Variants in F13A1 observed in about 807,000 individuals in gnomAD.
F13A1 encodes coagulation factor XIII A chain.
F13A1 carries 47 observed loss-of-function variants against 80.1 expected under a neutral mutation model. The ratio of observed to expected loss-of-function variants is 0.59; its 90% CI spans 0.46 to 0.75. The LOEUF (loss-of-function observed/expected upper bound fraction) is 0.75, where lower values mean the gene tolerates loss of function less well. Among genes scored for constraint, F13A1 ranks in the 30% least tolerant of loss-of-function variants. F13A1 has a pLI of 0.00. For synonymous variants in F13A1, 349 were observed against 344.9 expected (o/e 1.01, Z -0.13); for missense variants, 817 against 930.4 (o/e 0.88, Z 1.59).
At chr6:6,225,872 G>A (rs1344887339) in intron 6 of F13A1, among the ~76,000 whole-genome samples, 1 of 152,118 alleles carries the variant, frequency 6.6e-6, no homozygotes, top group Non-Finnish European at 1.5e-5. Flanking sequence ...ACAGATTAAA[G>A]TTTTAGAGTT....
intron 10 of F13A1, 123 bp downstream of exon 10, chr6:6,195,674 T>G (rs1249200191): frequency 3.6e-6 from 3 of 828,986 alleles, no homozygotes; most frequent in Non-Finnish European, 6.1e-6. Flanking sequence ...CCTAGTTACC[T>G]TTGTCAACAC....
rs1757515601 is a variant in F13A1, at chr6:6,243,585, T to C, written c.798+4727A>G. Among the ~76,000 whole-genome samples, 1 of 152,246 alleles carries C rather than the reference T, an allele frequency of 6.6e-6. No individual in the cohort carries two copies. The highest frequency in any genetic ancestry group is 2.4e-5 in the African/African-American group (1 of 41,470). On this transcript the variant is annotated intron_variant, in intron 6 of 14. Coordinates refer to ENST00000264870, the MANE Select transcript of F13A1 (RefSeq NM_000129.4). This position sits in a 1 kb window ranked among gnomAD's most constrained non-coding sequence, Gnocchi z 4.2. The stretch of plus-strand genomic sequence containing the variant: ...GCAATTCAATCTTACATAATTATTG[T>C]GTTATTGGCAATAACGTGTTGATAG...
chr6:6,318,700 A>AAG lies in F13A1; in HGVS notation c.-18-19_-18-18insCT, dbSNP rs1758725692. 3 of 1,603,530 alleles carry AAG rather than the reference A, an allele frequency of 1.9e-6. No individual in the cohort carries two copies. The highest frequency in any genetic ancestry group is 4.5e-5 in the East Asian group (2 of 44,850). On this transcript the variant is annotated intron_variant, in intron 1 of 14. Coordinates refer to ENST00000264870, the MANE Select transcript of F13A1 (RefSeq NM_000129.4). ...ACAAGGTCCTTCAGAAAAAAAAAAA[A>AAG]AAGAAGACAACAGAAAAGGCATGTA...
intron 6 of F13A1, among the ~76,000 whole-genome samples, chr6:6,233,825 T>C (rs1616606): frequency 0.16 from 24,068 of 152,134 alleles, 2,121 homozygotes; most frequent in African/African-American, 0.22. Flanking sequence ...ATGCACCATA[T>C]AAACAGAATT....
intron 6 of F13A1, among the ~76,000 whole-genome samples, chr6:6,244,784 T>A (rs1020769899): frequency 1.3e-5 from 2 of 152,160 alleles, no homozygotes; most frequent in African/African-American, 4.8e-5. Flanking sequence ...CTGGGTCACA[T>A]AGTAAGTTAA....
At chr6:6,316,077 G>A (rs1583129658) in intron 2 of F13A1, among the ~76,000 whole-genome samples, 1 of 49,656 alleles carries the variant, frequency 2.0e-5, no homozygotes, top group Non-Finnish European at 4.0e-5. Context: ...ATGTGTGTGT[G>A]CATATATATA....
At chr6:6,275,713 A>G (rs753604208) in intron 3 of F13A1, among the ~76,000 whole-genome samples, 1 of 152,178 alleles carries the variant, frequency 6.6e-6, no homozygotes, top group African/African-American at 2.4e-5. Context: ...CCAAACAGTC[A>G]TTCCCTCTAA....
chr6:6,234,356 T>C (rs1757389164), intron 6 of F13A1, among the ~76,000 whole-genome samples: 1 of 151,964 alleles, frequency 6.6e-6, no homozygotes. Context: ...TTACACACAT[T>C]GTCGAACATG....
intron 8 of F13A1, among the ~76,000 whole-genome samples, chr6:6,218,438 GAGGTTACACAT>G (rs1757135628): frequency 1.3e-5 from 2 of 152,174 alleles, no homozygotes; most frequent in African/African-American, 4.8e-5. Context: ...CTTCCCCCCA[GAGGTTACACAT>G]AATTCAGAAC....
chr6:6,175,139 G>C (rs780105225), intron 11 of F13A1, among the ~76,000 whole-genome samples: 4 of 152,210 alleles, frequency 2.6e-5, no homozygotes, highest in Non-Finnish European at 5.9e-5. Context: ...CACTATTTCA[G>C]GGGGTGGGAG....
At chr6:6,212,365 C>A (rs1761633219) in intron 8 of F13A1, among the ~76,000 whole-genome samples, 1 of 152,174 alleles carries the variant, frequency 6.6e-6, no homozygotes, top group Admixed American at 6.5e-5. Context: ...AAGTGGGTCC[C>A]TGACCCCTGA....
rs949687598 is a variant in F13A1, at chr6:6,162,065, G to C, written c.1908+5393C>G. ...CTTTGGGCAAAGGCTTTGAAGAGAA[G>C]GGAGGAAGAAAAAGCGGCTCCGACT... On this transcript the variant is annotated intron_variant, in intron 13 of 14. Coordinates refer to ENST00000264870, the MANE Select transcript of F13A1 (RefSeq NM_000129.4). This position sits in a 1 kb window ranked among gnomAD's most constrained non-coding sequence, Gnocchi z 4.2. Among the ~76,000 whole-genome samples the C allele has an allele frequency of 2.6e-5, 4 of 152,184 alleles. No homozygotes were observed. The highest frequency in any genetic ancestry group is 6.5e-5 in the Admixed American group (1 of 15,276).
At chr6:6,172,663 T>C in intron 12 of F13A1, among the ~76,000 whole-genome samples, 1 of 152,050 alleles carries the variant, frequency 6.6e-6, no homozygotes, top group East Asian at 1.9e-4. Flanking sequence ...GCCAGGCTGG[T>C]CTCGAGCTCC....
intron 6 of F13A1, among the ~76,000 whole-genome samples, chr6:6,226,990 T>A (rs1757285028): frequency 6.8e-6 from 1 of 147,862 alleles, no homozygotes; most frequent in African/African-American, 2.4e-5. Context: ...ATCTACATAG[T>A]GGAAACAGTT....
chr6:6,248,579 G>C (rs1484477877), intron 5 of F13A1, among the ~76,000 whole-genome samples, 160 bp from the exon 6 acceptor site: 1 of 152,102 alleles, frequency 6.6e-6, no homozygotes, highest in Non-Finnish European at 1.5e-5. Flanking sequence ...TAAAGTAGAA[G>C]GAATGAGACA....
intron 8 of F13A1, among the ~76,000 whole-genome samples, chr6:6,214,641 C>T (rs1183617979): frequency 0.018 from 1,054 of 57,464 alleles, no homozygotes; most frequent in Non-Finnish European, 0.021. Context: ...AGAGCAAACA[C>T]ATTCAAAAGC....
chr6:6,268,655 G>T (rs537762220), intron 3 of F13A1, among the ~76,000 whole-genome samples: 1 of 151,142 alleles, frequency 6.6e-6, no homozygotes, highest in African/African-American at 2.4e-5. Context: ...TTTATGCTTA[G>T]CACACAGTAG....
At chr6:6,294,520 ACACT>A (rs1388412966) in intron 3 of F13A1, among the ~76,000 whole-genome samples, 7 of 143,854 alleles carry the variant, frequency 4.9e-5, no homozygotes, top group Admixed American at 2.7e-4. Flanking sequence ...TATACACACA[ACACT>A]CACACACACA....
intron 3 of F13A1, among the ~76,000 whole-genome samples, chr6:6,301,736 G>C (rs1758435308): frequency 6.6e-6 from 1 of 152,192 alleles, no homozygotes; most frequent in Non-Finnish European, 1.5e-5. Flanking sequence ...GTTGGTGGCT[G>C]ACAATTCTCA....
Sources: gnomAD v4.1 joint callset for allele counts (sites outside exome capture counted in the v4.1 genomes callset) on GRCh38, gnomAD v4.1.1 for gene constraint, Gnocchi (gnomAD v3.1) non-coding constraint, MANE v1.5 for transcripts, NCBI Gene and HGNC (gene_info 2026-07-23, HGNC 2026-07-21) for gene names.